The following PTPRD variants were observed in gnomAD, a reference collection of about 807,000 sequenced individuals.
The protein encoded by PTPRD is receptor-type tyrosine-protein phosphatase delta.
A neutral mutation model predicts 214.5 loss-of-function variants in PTPRD; 34 were observed. The observed-to-expected ratio is 0.16, with a 90% confidence interval of 0.12 to 0.21. PTPRD has a LOEUF of 0.21. Ranked by LOEUF, PTPRD falls within the 10% of genes least tolerant of loss-of-function variation. PTPRD has a pLI of 1.00. For missense variants in PTPRD, 2,545 were observed against 2,398.7 expected (o/e 1.06, Z -1.27); for synonymous variants, 1,128 against 845.7 (o/e 1.33, Z -5.79).
At chr9:9,408,231 T>C (rs1407480581) in intron 8 of PTPRD, among the ~76,000 whole-genome samples, 1 of 151,834 alleles carries the variant, frequency 6.6e-6, no homozygotes, top group African/African-American at 2.4e-5. Flanking sequence ...AGGAAATTAT[T>C]ATATGTGCAA....
chr9:9,872,796 C>T (rs2065842720), intron 5 of PTPRD, among the ~76,000 whole-genome samples: 1 of 151,970 alleles, frequency 6.6e-6, no homozygotes, highest in Non-Finnish European at 1.5e-5. Flanking sequence ...TGAGTATGTT[C>T]CCAAATGAAA....
intron 7 of PTPRD, among the ~76,000 whole-genome samples, chr9:9,629,238 G>GTATATATATATATATATATA (rs113482595): frequency 2.1e-4 from 30 of 140,366 alleles, no homozygotes; most frequent in African/African-American, 8.2e-4. Context: ...GTGTGTGTGT[G>GTATATATATATATATATATA]TATATATATA....
intron 2 of PTPRD, among the ~76,000 whole-genome samples, chr9:10,402,402 T>C (rs1456600739): frequency 6.6e-6 from 1 of 151,766 alleles, no homozygotes; most frequent in African/African-American, 2.4e-5. Flanking sequence ...ATTAATGCAT[T>C]TGGAAATATG....
chr9:9,254,480 A>C (rs1003895099), intron 9 of PTPRD, among the ~76,000 whole-genome samples: 2 of 152,182 alleles, frequency 1.3e-5, no homozygotes, highest in African/African-American at 4.8e-5. Flanking sequence ...TTTACAATTA[A>C]TGGTAATATT....
chr9:8,678,174 G>A (rs942267410), intron 12 of PTPRD, among the ~76,000 whole-genome samples: 8 of 152,208 alleles, frequency 5.3e-5, no homozygotes, highest in South Asian at 2.1e-4. Flanking sequence ...TTGTTAGAGC[G>A]CACAGGGAAG....
At chr9:9,506,550 T>C (rs946523380) in intron 8 of PTPRD, among the ~76,000 whole-genome samples, 2 of 151,372 alleles carry the variant, frequency 1.3e-5, no homozygotes, top group Non-Finnish European at 3.0e-5. Flanking sequence ...GTTTAAATAA[T>C]GTCTAGAAGA....
chr9:10,246,372 T>C (rs1375312533), intron 3 of PTPRD, among the ~76,000 whole-genome samples: 2 of 152,124 alleles, frequency 1.3e-5, no homozygotes, highest in African/African-American at 4.8e-5. Flanking sequence ...GCCTCCCAAG[T>C]AGGTGGGATT....
intron 2 of PTPRD, among the ~76,000 whole-genome samples, chr9:10,351,234 G>C (rs1302472455): frequency 6.6e-6 from 1 of 152,060 alleles, no homozygotes; most frequent in African/African-American, 2.4e-5. Context: ...TACTATCGTG[G>C]ATTATCTAAA....
chr9:9,157,631 T>C (rs2099882372), intron 10 of PTPRD, among the ~76,000 whole-genome samples: 1 of 152,116 alleles, frequency 6.6e-6, no homozygotes, highest in African/African-American at 2.4e-5. Context: ...TTCAAACTTC[T>C]CCCATCAAAG....
At chr9:10,537,302 T>G (rs1289462397) in intron 2 of PTPRD, among the ~76,000 whole-genome samples, 3 of 152,196 alleles carry the variant, frequency 2.0e-5, no homozygotes, top group African/African-American at 7.2e-5. Context: ...CACACTGATT[T>G]GTTAATGTCA....
chr9:10,589,342 T>A (rs943144257), intron 2 of PTPRD, among the ~76,000 whole-genome samples: 1 of 151,950 alleles, frequency 6.6e-6, no homozygotes, highest in African/African-American at 2.4e-5. Context: ...AAAGTTTTAG[T>A]CACAGGGAAA....
intron 11 of PTPRD, among the ~76,000 whole-genome samples, chr9:8,789,896 C>T (rs2096152750): frequency 6.6e-6 from 1 of 152,124 alleles, no homozygotes; most frequent in Non-Finnish European, 1.5e-5. Context: ...GGGTAGAAAG[C>T]AGTTCTTAAA....
At chr9:10,139,147 A>G (rs1030004433) in intron 3 of PTPRD, among the ~76,000 whole-genome samples, 1 of 152,140 alleles carries the variant, frequency 6.6e-6, no homozygotes, top group African/African-American at 2.4e-5. Context: ...AAAACCAGGA[A>G]GATTCCCCCA....
At chr9:9,632,396 C>A (rs1444749581) in intron 7 of PTPRD, among the ~76,000 whole-genome samples, 1 of 151,890 alleles carries the variant, frequency 6.6e-6, no homozygotes. Context: ...CTATTGATAG[C>A]CAGAGTTGGG....
At chr9:9,374,041 T>C (rs954712220) in intron 9 of PTPRD, among the ~76,000 whole-genome samples, 1 of 151,992 alleles carries the variant, frequency 6.6e-6, no homozygotes, top group Non-Finnish European at 1.5e-5. Flanking sequence ...ACACATCTAC[T>C]AGATGGAAAT....
At chr9:9,731,067 A>C (rs1371286066) in intron 7 of PTPRD, among the ~76,000 whole-genome samples, 1 of 152,198 alleles carries the variant, frequency 6.6e-6, no homozygotes, top group Admixed American at 6.5e-5. Context: ...TACCTTATTT[A>C]AGTGAAAAAA....
chr9:8,779,042 AAGGGAAAAAGAAGGTGG>A (rs1442081616), intron 11 of PTPRD, among the ~76,000 whole-genome samples: 1 of 152,312 alleles, frequency 6.6e-6, no homozygotes, highest in African/African-American at 2.4e-5. Flanking sequence ...GTAAAGCTCA[AAGGGAAAAAGAAGGTGG>A]AGGGAATGTC....
At chr9:9,802,022 T>A (rs1468207746) in intron 5 of PTPRD, among the ~76,000 whole-genome samples, 4 of 152,034 alleles carry the variant, frequency 2.6e-5, no homozygotes, top group Non-Finnish European at 5.9e-5. Context: ...GAGAAAAAAA[T>A]AGTCTGTTTC....
At chr9:10,374,457 C>G (rs900141642) in intron 2 of PTPRD, among the ~76,000 whole-genome samples, 1 of 152,018 alleles carries the variant, frequency 6.6e-6, no homozygotes, top group African/African-American at 2.4e-5. Flanking sequence ...GACAAGCACT[C>G]TGGTCCGTGC....
Sources: gnomAD v4.1 joint callset for allele counts (sites outside exome capture counted in the v4.1 genomes callset) on GRCh38, gnomAD v4.1.1 for gene constraint, MANE v1.5 for transcripts, NCBI Gene and HGNC (gene_info 2026-07-23, HGNC 2026-07-21) for gene names.